GALNT13: variants seen among roughly 807,000 people sequenced by gnomAD.
The protein encoded by GALNT13 is UDP-GalNAc:polypeptide N-acetylgalactosaminyltransferase 13.
GALNT13 carries 28 observed loss-of-function variants against 64.2 expected under a neutral mutation model. The ratio of observed to expected loss-of-function variants is 0.44; its 90% CI spans 0.32 to 0.60. GALNT13 has a LOEUF of 0.60. Among genes scored for constraint, GALNT13 ranks in the 20% least tolerant of loss-of-function variants. The pLI is 0.05. For synonymous variants in GALNT13, 214 were observed against 224.6 expected (o/e 0.95, Z 0.42); for missense variants, 577 against 669.8 (o/e 0.86, Z 1.53).
At chr2:154,356,908 A>G (rs1018141963) in intron 9 of GALNT13, among the ~76,000 whole-genome samples, 3 of 152,020 alleles carry the variant, frequency 2.0e-5, no homozygotes, top group Non-Finnish European at 4.4e-5. Context: ...ACTAGATACC[A>G]TAGGTATCTG....
chr2:153,740,736 A>G, the GALNT13 span, among the ~76,000 whole-genome samples: 1 of 152,148 alleles, frequency 6.6e-6, no homozygotes, highest in African/African-American at 2.4e-5. Flanking sequence ...CAAATTGCAA[A>G]CACTGATTTT....
At chr2:153,418,322 C>T in the GALNT13 span, among the ~76,000 whole-genome samples, 1 of 152,200 alleles carries the variant, frequency 6.6e-6, no homozygotes, top group Non-Finnish European at 1.5e-5. Context: ...GTGATATTAG[C>T]TCAGTGAAAC....
chr2:154,123,669 G>C (rs1454807373), intron 3 of GALNT13, among the ~76,000 whole-genome samples: 2 of 151,924 alleles, frequency 1.3e-5, no homozygotes, highest in Admixed American at 1.3e-4. Context: ...TTCTTATAAA[G>C]TTAAGAAATG....
chr2:153,432,824 C>T, the GALNT13 span, among the ~76,000 whole-genome samples: 1 of 152,118 alleles, frequency 6.6e-6, no homozygotes, highest in Non-Finnish European at 1.5e-5. Flanking sequence ...CAGAAAATAA[C>T]TTCACCTAGA....
chr2:154,162,051 G>A (rs180818344), intron 4 of GALNT13, among the ~76,000 whole-genome samples: 1 of 152,234 alleles, frequency 6.6e-6, no homozygotes, highest in African/African-American at 2.4e-5. Flanking sequence ...AAAGTGGTGG[G>A]ATTACAGGCT....
the GALNT13 span, among the ~76,000 whole-genome samples, chr2:153,180,470 A>C: frequency 2.0e-5 from 3 of 152,176 alleles, no homozygotes; most frequent in Non-Finnish European, 4.4e-5. Context: ...CACCAAGGAT[A>C]GTGCCCTGCA....
At chr2:153,755,451 G>T in the GALNT13 span, among the ~76,000 whole-genome samples, 1 of 151,916 alleles carries the variant, frequency 6.6e-6, no homozygotes, top group African/African-American at 2.4e-5. Context: ...CATTCTGACA[G>T]GTACTAGATA....
chr2:153,686,888 A>T, the GALNT13 span, among the ~76,000 whole-genome samples: 1 of 152,064 alleles, frequency 6.6e-6, no homozygotes, highest in Non-Finnish European at 1.5e-5. Context: ...TTCTGCATCT[A>T]TTGAGATAAT....
chr2:154,087,370 A>C (rs12613465), intron 3 of GALNT13, among the ~76,000 whole-genome samples: 7,694 of 152,142 alleles, frequency 0.051, 258 homozygotes, highest in South Asian at 0.11. Flanking sequence ...ATGTTTGTAG[A>C]ATTCATAGCA....
At chr2:153,481,206 A>T in the GALNT13 span, among the ~76,000 whole-genome samples, 17 of 152,276 alleles carry the variant, frequency 1.1e-4, no homozygotes, top group African/African-American at 3.6e-4. Context: ...TGTTTAATAA[A>T]ATTACTTAGA....
chr2:154,051,110 A>T (rs7580979), intron 3 of GALNT13, among the ~76,000 whole-genome samples: 1,937 of 152,264 alleles, frequency 0.013, 37 homozygotes, highest in African/African-American at 0.044. Context: ...AATATCCATC[A>T]TATCATCTCG....
At chr2:153,436,320 T>C in the GALNT13 span, among the ~76,000 whole-genome samples, 1 of 152,210 alleles carries the variant, frequency 6.6e-6, no homozygotes, top group Non-Finnish European at 1.5e-5. Flanking sequence ...CAGACTTTGG[T>C]ATCAGGATGA....
chr2:153,978,403 T>G (rs1275422655), intron 3 of GALNT13, among the ~76,000 whole-genome samples: 1 of 151,946 alleles, frequency 6.6e-6, no homozygotes, highest in African/African-American at 2.4e-5. Flanking sequence ...TAGTTTTCTA[T>G]GTCTGATATG....
At position 154,430,574 on chromosome 2, in the gene GALNT13, A is replaced by G. The variant is rs1700665611; in HGVS notation, c.1396-8018A>G. 2.0e-5 allele frequency among the ~76,000 whole-genome samples: 3 copies of G among 152,196 alleles called. No individual in the cohort carries two copies. In the South Asian group the frequency reaches 6.2e-4, roughly 32 times the overall value. Reference sequence around the variant, plus strand: ...AGATGCTGTGAACACTGTTGAAATGACAACAAAGTATTTAGAATATTACAT... The same window carrying G: ...AGATGCTGTGAACACTGTTGAAATGGCAACAAAGTATTTAGAATATTACAT... On this transcript the variant is annotated intron_variant, in intron 11 of 12. Coordinates refer to ENST00000392825, the MANE Select transcript of GALNT13 (RefSeq NM_052917.4).
At chr2:154,205,296 A>C (rs995934487) in intron 4 of GALNT13, among the ~76,000 whole-genome samples, 8 of 152,180 alleles carry the variant, frequency 5.3e-5, no homozygotes, top group Non-Finnish European at 1.0e-4. Flanking sequence ...TGTCTTAAAA[A>C]GTTTTTTATT....
the GALNT13 span, among the ~76,000 whole-genome samples, chr2:153,185,422 A>G: frequency 6.6e-6 from 1 of 151,896 alleles, no homozygotes; most frequent in African/African-American, 2.4e-5. Context: ...GAGTTTGTGG[A>G]TTCTTTTTTA....
At chr2:153,198,088 G>A in the GALNT13 span, among the ~76,000 whole-genome samples, 1 of 152,162 alleles carries the variant, frequency 6.6e-6, no homozygotes, top group Non-Finnish European at 1.5e-5. Context: ...CAGTCCCCAG[G>A]ATATGAGGGC....
chr2:153,763,836 G>A, the GALNT13 span, among the ~76,000 whole-genome samples: 1 of 151,952 alleles, frequency 6.6e-6, no homozygotes, highest in Non-Finnish European at 1.5e-5. Context: ...GAGCTTTCTA[G>A]AGACTTGGAG....
chr2:153,368,807 A>C, the GALNT13 span, among the ~76,000 whole-genome samples: 1 of 152,126 alleles, frequency 6.6e-6, no homozygotes, highest in Admixed American at 6.6e-5. Flanking sequence ...TCTGAACAAC[A>C]CTATAAACCA....
Sources: allele counts gnomAD v4.1 joint callset (sites outside exome capture counted in the v4.1 genomes callset), GRCh38; gene constraint gnomAD v4.1.1; transcripts MANE v1.5; gene names NCBI Gene and HGNC (gene_info 2026-07-23, HGNC 2026-07-21).